Variants in GRIA4 observed in about 807,000 individuals in gnomAD.
The protein encoded by GRIA4 is glutamate receptor 4.
A neutral mutation model predicts 104.0 loss-of-function variants in GRIA4; 34 were observed. The observed-to-expected ratio is 0.33, with a 90% CI of 0.25 to 0.44. The LOEUF (loss-of-function observed/expected upper bound fraction) is 0.44. Ranked by LOEUF, GRIA4 falls within the 20% of genes least tolerant of loss-of-function variation. GRIA4 has a pLI of 1.00. For synonymous variants in GRIA4, 386 were observed against 381.9 expected (o/e 1.01, Z -0.13); for missense variants, 750 against 1,096.5 (o/e 0.68, Z 4.46).
Position 105,887,547 on chromosome 11 carries a change from G to A in GRIA4, c.701G>A (p.Gly234Asp), listed in dbSNP as rs1191240255. ...QIVSVGKHVK[G>D]YHYIIANLGF... ...GTAAGTGTTGGAAAGCATGTTAAAGGCTACCATTATATCATTGCAAACTTG... is the reference window on the plus strand; with the variant it reads ...GTAAGTGTTGGAAAGCATGTTAAAGACTACCATTATATCATTGCAAACTTG... The change falls in exon 6 of 17, where the codon GGC (glycine) becomes GAC (aspartate). Residue 234 changes from glycine to aspartate, a missense_variant. Transcript: ENST00000282499. The A allele has an allele frequency of 1.4e-6, 2 of 1,456,320 alleles. No homozygotes were observed. Among genetic ancestry groups the A allele is most frequent in the Non-Finnish European group, 1.9e-6 (2 of 1,047,066 alleles). 90.2% of individuals were successfully genotyped at this position (1,456,320 alleles called of 1,614,324 possible).
At chr11:105,799,464 G>C (rs1942623389) in intron 4 of GRIA4, among the ~76,000 whole-genome samples, 1 of 152,026 alleles carries the variant, frequency 6.6e-6, no homozygotes, top group African/African-American at 2.4e-5. Flanking sequence ...GGTATAGGGT[G>C]ATGCAATAAT....
intron 4 of GRIA4, among the ~76,000 whole-genome samples, chr11:105,786,404 T>C (rs1344471554): frequency 6.6e-6 from 1 of 152,186 alleles, no homozygotes; most frequent in East Asian, 1.9e-4. Context: ...GTACTATTGA[T>C]TTGTGGAACA....
At chr11:105,846,604 G>C (rs190709619) in intron 4 of GRIA4, among the ~76,000 whole-genome samples, 2 of 152,182 alleles carry the variant, frequency 1.3e-5, no homozygotes, top group Admixed American at 1.3e-4. Flanking sequence ...AAAAACAAGG[G>C]CTGATACAAC....
rs762639803 is a variant in GRIA4, at chr11:105,971,989, C to A, written c.2370C>A (p.Tyr790Ter). ...ACAAGCTGAAAAACAAATGGTGGTA[C>A]GATAAAGGTGAATGTGGACCCAAGG... The part of the protein sequence containing the change: ...VLDKLKNKWW[Y>*]DKGECGPKDS... The change falls in exon 15 of 17, where the codon TAC becomes TAA. Residue 790 changes from tyrosine to a stop codon, truncating the protein, a stop_gained. Transcript: ENST00000282499. LOFTEE classifies it high-confidence loss of function. 1.2e-6 allele frequency: 2 copies of A among 1,612,546 alleles called. No individual in the cohort carries two copies. Among genetic ancestry groups the A allele is most frequent in the Non-Finnish European group, 1.7e-6 (2 of 1,179,006 alleles).
At chr11:105,711,902 T>C (rs562736138) in intron 3 of GRIA4, among the ~76,000 whole-genome samples, 1 of 152,260 alleles carries the variant, frequency 6.6e-6, no homozygotes, top group African/African-American at 2.4e-5. Context: ...TCTTTCACCC[T>C]CTGGAAATGT....
At chr11:105,674,214 A>G (rs1952464726) in intron 3 of GRIA4, among the ~76,000 whole-genome samples, 1 of 152,050 alleles carries the variant, frequency 6.6e-6, no homozygotes, top group Non-Finnish European at 1.5e-5. Context: ...ATATGCATAT[A>G]TCTCATTTTG....
intron 4 of GRIA4, among the ~76,000 whole-genome samples, chr11:105,805,478 G>GAAAAAAAAAAAAAAAAAAAAAA (rs57123559): frequency 6.5e-5 from 6 of 92,504 alleles, no homozygotes; most frequent in African/African-American, 2.3e-4. Flanking sequence ...AAGAAATCAG[G>GAAAAAAAAAAAAAAAAAAAAAA]AAAAAAAAAA....
intron 3 of GRIA4, among the ~76,000 whole-genome samples, chr11:105,711,591 T>C (rs1953914718): frequency 6.6e-6 from 1 of 152,140 alleles, no homozygotes; most frequent in Non-Finnish European, 1.5e-5. Flanking sequence ...CAAGAGCGAC[T>C]GATCTTTGAA....
At chr11:105,875,838 ATT>A (rs1187980212) in intron 5 of GRIA4, among the ~76,000 whole-genome samples, 1 of 151,610 alleles carries the variant, frequency 6.6e-6, no homozygotes. Context: ...TGGTCTATCT[ATT>A]TTGTTAATCT....
At chr11:105,742,829 C>T (rs1434242312) in intron 3 of GRIA4, among the ~76,000 whole-genome samples, 1 of 152,044 alleles carries the variant, frequency 6.6e-6, no homozygotes. Flanking sequence ...CTCCACCTCC[C>T]GGGTTCAAGC....
At chr11:105,633,398 T>A (rs968254714) in intron 3 of GRIA4, among the ~76,000 whole-genome samples, 2 of 152,180 alleles carry the variant, frequency 1.3e-5, no homozygotes, top group Non-Finnish European at 2.9e-5. Flanking sequence ...GAGGGCAGAG[T>A]CTATATCTAT....
At chr11:105,858,178 C>A (rs529888406) in intron 4 of GRIA4, among the ~76,000 whole-genome samples, 24 of 152,048 alleles carry the variant, frequency 1.6e-4, no homozygotes, top group African/African-American at 5.5e-4. Context: ...GTGATTATGT[C>A]GATGATATGC....
intron 3 of GRIA4, among the ~76,000 whole-genome samples, chr11:105,714,502 T>G (rs1416239698): frequency 6.6e-6 from 1 of 152,180 alleles, no homozygotes; most frequent in Non-Finnish European, 1.5e-5. Context: ...AACGAACAGT[T>G]GATTTTGTTG....
At chr11:105,760,873 T>C (rs1940600153) in intron 4 of GRIA4, among the ~76,000 whole-genome samples, 1 of 152,166 alleles carries the variant, frequency 6.6e-6, no homozygotes. Context: ...TTCGAGTACA[T>C]GGTCAATTTT....
chr11:105,764,071 A>G (rs1313112209), intron 4 of GRIA4, among the ~76,000 whole-genome samples: 1 of 152,170 alleles, frequency 6.6e-6, no homozygotes, highest in African/African-American at 2.4e-5. Context: ...GTAACACTGA[A>G]ATTTTGTCAC....
chr11:105,965,103 G>T lies in GRIA4; in HGVS notation c.2295-6811G>T, dbSNP rs575028763. Among the ~76,000 whole-genome samples the T allele has an allele frequency of 2.0e-5, 3 of 152,060 alleles. No individual in the cohort carries two copies. In the South Asian group the frequency reaches 6.2e-4, roughly 32 times the overall value. On this transcript the variant is annotated intron_variant, in intron 14 of 16. Coordinates refer to ENST00000282499, the MANE Select transcript of GRIA4 (RefSeq NM_000829.4). ...ATTACAGGCGTGAGCCACCGCACCT[G>T]GCCCATGACACTATTTTTTAATCCT... is the stretch of plus-strand genomic sequence containing the variant.
At chr11:105,876,262 C>A (rs962558642) in intron 5 of GRIA4, among the ~76,000 whole-genome samples, 1 of 152,094 alleles carries the variant, frequency 6.6e-6, no homozygotes, top group Non-Finnish European at 1.5e-5. Context: ...AGTTTGAGTT[C>A]ACTGTGGTCT....
At chr11:105,861,145 T>A (rs991278649) in intron 4 of GRIA4, among the ~76,000 whole-genome samples, 1 of 151,916 alleles carries the variant, frequency 6.6e-6, no homozygotes, top group Non-Finnish European at 1.5e-5. Flanking sequence ...AAGAACAGGG[T>A]GAAGACCATT....
chr11:105,924,624 T>G lies in GRIA4; in HGVS notation c.1702T>G (p.Phe568Val). The change falls in exon 12 of 17, where the codon TTT becomes GTT. Residue 568 changes from phenylalanine to valine, a missense_variant. Around this residue, in one of 3 missense-constraint regions of GRIA4, gnomAD observed 272 missense variants for 524.5 expected, o/e 0.52. Transcript: ENST00000282499. ...VSVVLFLVSR[F>V]SPYEWHTEEP... Reference sequence around the variant, plus strand: ...CGTGGTCTTATTCCTAGTTAGTAGATTTAGTCCATATGAGTGGCACACAGA... The same window carrying G: ...CGTGGTCTTATTCCTAGTTAGTAGAGTTAGTCCATATGAGTGGCACACAGA... 6.2e-7 allele frequency: 1 copy of G among 1,613,062 alleles called. No individual in the cohort carries two copies. Among genetic ancestry groups the G allele is most frequent in the Non-Finnish European group, 8.5e-7 (1 of 1,179,366 alleles).
Sources: gnomAD v4.1 joint callset for allele counts (sites outside exome capture counted in the v4.1 genomes callset) on GRCh38, gnomAD v4.1.1 for gene constraint, gnomAD v4.1.1 regional missense constraint, MANE v1.5 for transcripts, NCBI Gene and HGNC (gene_info 2026-07-23, HGNC 2026-07-21) for gene names.